IPO5: variants seen among roughly 807,000 people sequenced by gnomAD.
IPO5 encodes importin 5.
IPO5 carries 18 observed loss-of-function variants against 143.3 expected under a neutral mutation model. The ratio of observed to expected loss-of-function variants is 0.13; its 90% CI spans 0.09 to 0.19. The LOEUF is 0.19. Among genes scored for constraint, IPO5 ranks in the 10% least tolerant of loss-of-function variants. IPO5 has a pLI of 1.00. For synonymous variants in IPO5, 477 were observed against 465.7 expected, an observed-to-expected ratio of 1.02 and a Z score of -0.31; for missense variants, 1,013 against 1,336.9, an observed-to-expected ratio of 0.76 and a Z score of 3.78.
Position 98,021,870 on chromosome 13 carries a change from A to G in IPO5, c.*48A>G. ...GAAAACTAACTCCAAATAAACGCTT[A>G]CCCTTTCCTTTAGGTTTCTTTGTTT... On this transcript the variant is annotated 3_prime_UTR_variant, in exon 29 of 29. Transcript: ENST00000651721. 7.7e-7 allele frequency: 1 copy of G among 1,290,472 alleles called. No individual in the cohort carries two copies. The highest frequency in any genetic ancestry group is 1.1e-6 in the Non-Finnish European group (1 of 899,698). The allele number at this position is 1,290,472 out of a possible 1,614,324, so 79.9% of individuals were successfully genotyped here.
chr13:97,980,737 G>C (rs1886769680), intron 4 of IPO5, among the ~76,000 whole-genome samples: 1 of 150,494 alleles, frequency 6.6e-6, no homozygotes, highest in African/African-American at 2.4e-5. Flanking sequence ...TGAGGCAGGA[G>C]AATCTCTTGA....
intron 25 of IPO5, among the ~76,000 whole-genome samples, chr13:98,017,248 A>G (rs1296427195): frequency 1.3e-5 from 2 of 151,576 alleles, no homozygotes; most frequent in Non-Finnish European, 2.9e-5. Context: ...GGGCATATAT[A>G]TATATATATG....
intron 22 of IPO5, among the ~76,000 whole-genome samples, chr13:98,014,918 T>C (rs1890008446): frequency 6.6e-6 from 1 of 151,952 alleles, no homozygotes. Context: ...ATGTCTCCTT[T>C]CTTTTCCTCT....
chr13:97,983,903 C>T (rs752110473), intron 5 of IPO5, among the ~76,000 whole-genome samples: 47 of 146,956 alleles, frequency 3.2e-4, no homozygotes, highest in Non-Finnish European at 7.0e-4. Context: ...GCTTTTGTAA[C>T]CTGTTCTTTT....
intron 2 of IPO5, among the ~76,000 whole-genome samples, chr13:97,961,284 A>C (rs1884860892): frequency 6.6e-6 from 1 of 152,228 alleles, no homozygotes. Flanking sequence ...GTTGCCATGA[A>C]CATTCATGTA....
At chr13:97,996,685 C>CG (rs1349957706) in intron 11 of IPO5, among the ~76,000 whole-genome samples, 2 of 152,120 alleles carry the variant, frequency 1.3e-5, no homozygotes, top group African/African-American at 2.4e-5. Context: ...TCACAGCGAG[C>CG]TCCACCTCCC....
chr13:97,983,450 A>C (rs1887025190), intron 5 of IPO5, among the ~76,000 whole-genome samples: 1 of 151,804 alleles, frequency 6.6e-6, no homozygotes, highest in Admixed American at 6.6e-5. Context: ...AATTTTAAGA[A>C]TTACTTTTCC....
chr13:98,020,381 G>C (rs1890399345), intron 27 of IPO5, among the ~76,000 whole-genome samples: 1 of 152,186 alleles, frequency 6.6e-6, no homozygotes, highest in Admixed American at 6.5e-5. Flanking sequence ...ACTTGTTTAA[G>C]TTCAGGTTCA....
chr13:98,010,048 A>G (rs2139819648), intron 19 of IPO5, 35 bp downstream of exon 19: 2 of 1,613,480 alleles, frequency 1.2e-6, no homozygotes, highest in Non-Finnish European at 8.5e-7. Context: ...CGGTTATAAT[A>G]GTTCTCTCTT....
chr13:98,000,276 C>T (rs1433779361), intron 12 of IPO5, among the ~76,000 whole-genome samples: 3 of 151,268 alleles, frequency 2.0e-5, no homozygotes, highest in African/African-American at 7.3e-5. Flanking sequence ...CAGAGCGAGA[C>T]TCTGTCTCAA....
chr13:97,986,386 G>T (rs1045397404), intron 6 of IPO5, among the ~76,000 whole-genome samples: 1 of 150,322 alleles, frequency 6.7e-6, no homozygotes, highest in Non-Finnish European at 1.5e-5. Flanking sequence ...ACGGAGTTTC[G>T]CTCTTATTGC....
At chr13:97,978,022 C>G (rs926613775) in intron 4 of IPO5, among the ~76,000 whole-genome samples, 1 of 152,270 alleles carries the variant, frequency 6.6e-6, no homozygotes, top group East Asian at 1.9e-4. Flanking sequence ...ATGCTGGTTA[C>G]ACTTAGGGGT....
intron 4 of IPO5, chr13:97,982,210 T>C: frequency 3.4e-6 from 1 of 290,976 alleles, no homozygotes; most frequent in Non-Finnish European, 6.3e-6. Flanking sequence ...TGGCAATTTT[T>C]TGGCCCTCTT....
intron 11 of IPO5, among the ~76,000 whole-genome samples, chr13:97,994,321 A>G (rs1888056299): frequency 1.3e-5 from 2 of 152,204 alleles, no homozygotes; most frequent in African/African-American, 4.8e-5. Flanking sequence ...AAAAAGAATT[A>G]GAAAACAAAA....
chr13:97,969,175 A>ATATATTTTTTTTTTTTTTTTTT (rs1234384302), intron 2 of IPO5, among the ~76,000 whole-genome samples: 1 of 43,896 alleles, frequency 2.3e-5, no homozygotes, highest in Non-Finnish European at 4.0e-5. Context: ...ATATATATAT[A>ATATATTTTTTTTTTTTTTTTTT]TTTTTTTTTT....
At position 97,985,439 on chromosome 13, in the gene IPO5, G is replaced by A. The variant is rs570121514; in HGVS notation, c.190G>A (p.Val64Ile). 1.5e-5 allele frequency: 25 copies of A among 1,614,036 alleles called. No individual in the cohort carries two copies. Among genetic ancestry groups the A allele is most frequent in the Middle Eastern group, 3.3e-4 (2 of 6,062 alleles). ...AAEEARQMAAVLLRRLLSSAF... is the reference protein window; with the variant it reads ...AAEEARQMAAILLRRLLSSAF... The stretch of plus-strand genomic sequence containing the variant: ...TTTATAGGCTAGACAAATGGCCGCC[G>A]TTCTCCTAAGACGTCTCTTGTCCTC... The change falls in exon 6 of 29, where the codon GTT becomes ATT. Residue 64 changes from valine (V) to isoleucine (I), a missense_variant. By Grantham distance (29) the Val-to-Ile change is conservative (BLOSUM62 3). Transcript: ENST00000651721.
intron 4 of IPO5, among the ~76,000 whole-genome samples, chr13:97,980,106 T>C (rs767357956): frequency 2.0e-5 from 3 of 152,236 alleles, no homozygotes; most frequent in Non-Finnish European, 4.4e-5. Context: ...TAACATTCAC[T>C]GAACCTAACT....
In IPO5 at chr13:98,022,005, A is replaced by T. The variant is rs966090229; in HGVS notation, c.*183A>T. The T allele has an allele frequency of 7.3e-6, 3 of 412,416 alleles. No individual in the cohort carries two copies. The highest frequency in any genetic ancestry group is 1.0e-4 in the South Asian group (1 of 9,952). 25.5% of individuals were successfully genotyped at this position (412,416 alleles called of 1,614,324 possible). On this transcript the variant is annotated 3_prime_UTR_variant, in exon 29 of 29. Coordinates refer to ENST00000651721, the MANE Select transcript of IPO5 (RefSeq NM_002271.6). ...CAGAATGGAGTTTCCATGGATTTCT[A>T]CCAGACCACTGAAGGAGTTCCTGGA...
At chr13:98,013,169 C>T (rs1449846740) in intron 21 of IPO5, among the ~76,000 whole-genome samples, 1 of 152,182 alleles carries the variant, frequency 6.6e-6, no homozygotes, top group Admixed American at 6.5e-5. Flanking sequence ...GATTCTTCTG[C>T]CTCAGCCTCC....
Sources: gnomAD v4.1 joint callset for allele counts (sites outside exome capture counted in the v4.1 genomes callset) on GRCh38, gnomAD v4.1.1 for gene constraint, MANE v1.5 for transcripts, NCBI Gene and HGNC (gene_info 2026-07-23, HGNC 2026-07-21) for gene names.